Variants in SERHL2 observed in about 807,000 individuals in gnomAD.
The protein encoded by SERHL2 is serine hydrolase-like protein 2.
In SERHL2, 29 loss-of-function variants were observed where a neutral mutation model predicts 25.5. That is an observed-to-expected ratio of 1.14 (90% CI 0.85 to 1.55). The LOEUF is 1.55. Among genes scored for constraint, SERHL2 ranks in the 40% most tolerant of loss-of-function variants. The pLI, the probability that SERHL2 is intolerant of heterozygous loss-of-function variation, is 0.00. For missense variants in SERHL2, 240 were observed against 252.3 expected (o/e 0.95, Z 0.33); for synonymous variants, 95 against 103.5 (o/e 0.92, Z 0.50).
In SERHL2 at chr22:42,563,172, C is replaced by T. The variant is rs554199484; in HGVS notation, c.613+2907C>T. Among the ~76,000 whole-genome samples, 250 of 148,314 alleles carry T rather than the reference C, an allele frequency of 1.7e-3. 4 individuals carry two copies. The highest frequency in any genetic ancestry group is 5.0e-3 in the South Asian group (23 of 4,646). ...TGTGCCACTGCACTCTAGCAAGACC[C>T]TGGCTTTTTCTTTTTTTCTTTTTTT... is the stretch of plus-strand genomic sequence containing the variant. On this transcript the variant is annotated intron_variant, in intron 8 of 11. Transcript: ENST00000327678.
Position 42,571,111 on chromosome 22 carries a change from G to A in SERHL2, c.649-10G>A, listed in dbSNP as rs2146753424. The A allele has an allele frequency of 1.9e-6, 3 of 1,613,212 alleles. No individual in the cohort carries two copies. In the East Asian group the frequency reaches 6.7e-5, roughly 36 times the overall value. Reference sequence around the variant, plus strand: ...TGTGACGAGAATTCACCATGTTTTTGTCTCTGCAGGCAGAGAACAGCATTG... The same window carrying A: ...TGTGACGAGAATTCACCATGTTTTTATCTCTGCAGGCAGAGAACAGCATTG... On this transcript the variant is annotated splice_polypyrimidine_tract_variant and intron_variant, in intron 9 of 11. Coordinates refer to ENST00000327678, the MANE Select transcript of SERHL2 (RefSeq NM_014509.5).
chr22:42,572,710 T>A (rs780773449), intron 11 of SERHL2, 181 bp downstream of exon 11: 23 of 984,710 alleles, frequency 2.3e-5, no homozygotes, highest in Non-Finnish European at 2.8e-5. Context: ...TAGGGACACA[T>A]GTAATCAGAA....
chr22:42,560,327 A>G, intron 8 of SERHL2, 62 bp downstream of exon 8: 2 of 1,301,070 alleles, frequency 1.5e-6, no homozygotes, highest in Non-Finnish European at 2.2e-6. Flanking sequence ...GAGGATGTCA[A>G]GGACTTGCCT....
At chr22:42,564,439 C>A (rs202232989) in intron 8 of SERHL2, among the ~76,000 whole-genome samples, 2 of 146,168 alleles carry the variant, frequency 1.4e-5, no homozygotes, top group Admixed American at 6.8e-5. Flanking sequence ...TTTTTTTTTT[C>A]TTTTTTTTTG....
At chr22:42,560,308 A>C (rs1426175256) in intron 8 of SERHL2, 43 bp downstream of exon 8, 4 of 1,439,524 alleles carry the variant, frequency 2.8e-6, no homozygotes, top group Non-Finnish European at 2.9e-6. Flanking sequence ...ATTTGTCACT[A>C]TTCTTACCGA....
In SERHL2 at chr22:42,559,229, T is replaced by TAAAAAAAAAAAAAAAAAAAAAA. The variant is rs1194822216; in HGVS notation, c.533+778_533+799dup. Among the ~76,000 whole-genome samples the TAAAAAAAAAAAAAAAAAAAAAA allele has an allele frequency of 1.7e-4, 12 of 69,314 alleles. No homozygotes were observed. In the East Asian group the frequency reaches 6.2e-3, roughly 36 times the overall value. The allele number at this position is 69,314 out of a possible 152,430, so 45.5% of individuals were successfully genotyped here. ...GAGCGAGATAGCGAGACCCTGTATT[T>TAAAAAAAAAAAAAAAAAAAAAA]AAAAAAAAAAAAAAAAAAAAAAAAA... On this transcript the variant is annotated intron_variant, in intron 7 of 11. Transcript: ENST00000327678.
intron 9 of SERHL2, chr22:42,569,571 T>A (rs1923876912): frequency 6.6e-6 from 1 of 151,902 alleles, no homozygotes; most frequent in Non-Finnish European, 1.5e-5. Flanking sequence ...AATTTTCATA[T>A]TTTTAGTAGA....
Position 42,574,222 on chromosome 22 carries a change from T to C in SERHL2, c.*167T>C, listed in dbSNP as rs187951512. 4.0e-5 allele frequency: 25 copies of C among 628,272 alleles called. No homozygotes were observed. In the East Asian group the frequency reaches 5.9e-4, roughly 15 times the overall value. 38.9% of individuals were successfully genotyped at this position (628,272 alleles called of 1,614,324 possible). Reference sequence around the variant, plus strand: ...AAGGAGCGAGATTCCAACTTCAACATCTGTGACCTCAAGGGGGAGACAGAG... The same window carrying C: ...AAGGAGCGAGATTCCAACTTCAACACCTGTGACCTCAAGGGGGAGACAGAG... On this transcript the variant is annotated 3_prime_UTR_variant, in exon 12 of 12. Coordinates refer to ENST00000327678, the MANE Select transcript of SERHL2 (RefSeq NM_014509.5).
chr22:42,559,605 T>TA (rs1221548360), intron 7 of SERHL2, among the ~76,000 whole-genome samples: 1 of 151,440 alleles, frequency 6.6e-6, no homozygotes, highest in Non-Finnish European at 1.5e-5. Context: ...GAAGAGGCGT[T>TA]AGACATTCTC....
At chr22:42,569,880 G>A (rs1473029922) in intron 9 of SERHL2, 2 of 149,580 alleles carry the variant, frequency 1.3e-5, no homozygotes, top group Non-Finnish European at 3.0e-5. Flanking sequence ...TGTGTTCATG[G>A]CAATTTTATA....
intron 11 of SERHL2, 22 bp from the exon 12 acceptor site, chr22:42,573,914 A>ACCCCCCCCCCC: frequency 5.2e-6 from 8 of 1,539,130 alleles, no homozygotes; most frequent in Non-Finnish European, 7.1e-6. Context: ...ACACCTCACC[A>ACCCCCCCCCCC]CCCACCCCCT....
chr22:42,566,558 G>GA (rs147819513), intron 9 of SERHL2, among the ~76,000 whole-genome samples: 38,043 of 141,190 alleles, frequency 0.27, 5,620 homozygotes, highest in African/African-American at 0.41. Context: ...TCCATCTCAA[G>GA]AAAAAAAAAA....
In SERHL2 at chr22:42,571,206, A is replaced by T; in HGVS notation, c.731+3A>T. ...CAGGCCCATGTCCTGTTGATCAAGT[A>T]AGTCTGGACCCATCCCCTTCAGCCA... On this transcript the variant is annotated splice_donor_region_variant and intron_variant, in intron 10 of 11. Coordinates refer to ENST00000327678, the MANE Select transcript of SERHL2 (RefSeq NM_014509.5). 1.9e-6 allele frequency: 3 copies of T among 1,605,716 alleles called. 1 individual carries two copies.
intron 11 of SERHL2, chr22:42,572,768 T>G (rs1333403179): frequency 5.1e-6 from 5 of 973,120 alleles, no homozygotes; most frequent in African/African-American, 3.5e-5. Flanking sequence ...AGGTTCAAGC[T>G]ACTCTCGTGC....
chr22:42,571,220 C>T lies in SERHL2; in HGVS notation c.731+17C>T, dbSNP rs371076411. The T allele has an allele frequency of 4.4e-6, 7 of 1,608,302 alleles. No individual in the cohort carries two copies. Among genetic ancestry groups the T allele is most frequent in the Non-Finnish European group, 3.4e-6 (4 of 1,178,084 alleles). Reference sequence around the variant, plus strand: ...GTTGATCAAGTAAGTCTGGACCCATCCCCTTCAGCCACCCGCCAAGGAGAC... The same window carrying T: ...GTTGATCAAGTAAGTCTGGACCCATTCCCTTCAGCCACCCGCCAAGGAGAC... On this transcript the variant is annotated intron_variant, in intron 10 of 11. Coordinates refer to ENST00000327678, the MANE Select transcript of SERHL2 (RefSeq NM_014509.5).
At chr22:42,569,276 A>G (rs1394631865) in intron 9 of SERHL2, 1 of 151,562 alleles carries the variant, frequency 6.6e-6, no homozygotes, top group Non-Finnish European at 1.5e-5. Context: ...TTATTTATTT[A>G]GAGACCAAGT....
chr22:42,572,379 C>A, intron 10 of SERHL2, 57 bp from the exon 11 acceptor site: 3 of 1,332,480 alleles, frequency 2.3e-6, no homozygotes, highest in Non-Finnish European at 3.2e-6. Context: ...GATGGGGGCA[C>A]CGCTGGGAGG....
Position 42,574,374 on chromosome 22 carries a change from G to GTATT in SERHL2, c.*320_*323dup, listed in dbSNP as rs1410800767. On this transcript the variant is annotated 3_prime_UTR_variant, in exon 12 of 12. Coordinates refer to ENST00000327678, the MANE Select transcript of SERHL2 (RefSeq NM_014509.5). ...ACTGGATGGAAAATAAAAGGTTCTT[G>GTATT]TATTCTCACTGCTTTTGAGGCTTTT... 5 of 504,676 alleles carry GTATT rather than the reference G, an allele frequency of 9.9e-6. No homozygotes were observed. Among genetic ancestry groups the GTATT allele is most frequent in the Non-Finnish European group, 1.8e-5 (5 of 282,006 alleles). The allele number at this position is 504,676 out of a possible 1,614,324, so 31.3% of individuals were successfully genotyped here.
chr22:42,567,678 AAAT>A (rs201631982), intron 9 of SERHL2, among the ~76,000 whole-genome samples: 14,980 of 144,660 alleles, frequency 0.1, 1,521 homozygotes, highest in East Asian at 0.59. Context: ...GTCAAAAAAA[AAAT>A]AAATAAATAA....
Sources: gnomAD v4.1 joint callset for allele counts (sites outside exome capture counted in the v4.1 genomes callset) on GRCh38, gnomAD v4.1.1 for gene constraint, MANE v1.5 for transcripts, NCBI Gene and HGNC (gene_info 2026-07-23, HGNC 2026-07-21) for gene names.